Variants in CACNA1D observed in about 807,000 individuals in gnomAD.
CACNA1D encodes voltage-dependent L-type calcium channel subunit alpha-1D.
CACNA1D carries 55 observed loss-of-function variants against 257.1 expected under a neutral mutation model. That is an observed-to-expected ratio of 0.21 (90% CI 0.17 to 0.27). The LOEUF is 0.27. Ranked by LOEUF, CACNA1D falls within the 10% of genes least tolerant of loss-of-function variation. The probability of loss-of-function intolerance (pLI) is 1.00; values close to 1 mark genes in which losing one functional copy is unlikely to be tolerated. For missense variants in CACNA1D, 1,876 were observed against 2,784.0 expected (o/e 0.67, Z 7.34); for synonymous variants, 980 against 1,014.9 (o/e 0.97, Z 0.65).
At chr3:53,718,832 A>C (rs1170979725) in intron 10 of CACNA1D, 1 of 1,165,642 alleles carries the variant, frequency 8.6e-7, no homozygotes, top group Non-Finnish European at 1.2e-6. Flanking sequence ...AGAATGTGCT[A>C]CGTATTTAAG....
At chr3:53,496,729 C>T (rs1374950213) in intron 1 of CACNA1D, among the ~76,000 whole-genome samples, 1 of 150,830 alleles carries the variant, frequency 6.6e-6, no homozygotes, top group Non-Finnish European at 1.5e-5. Context: ...TTTTTTTTTC[C>T]CCTTGGTGAT....
At chr3:53,636,849 C>A (rs988440963) in intron 3 of CACNA1D, among the ~76,000 whole-genome samples, 3 of 152,276 alleles carry the variant, frequency 2.0e-5, no homozygotes, top group African/African-American at 7.2e-5. Flanking sequence ...TTTCTCTGTG[C>A]AGATCCTCTG....
rs912974318 is a variant in CACNA1D, at chr3:53,650,656, A to G, written c.484-123A>G. ...TAATTGTTCCATTTCTCATAATGAA[A>G]CTTTGTTTGGAGGGAAATGCTTATA... is the stretch of plus-strand genomic sequence containing the variant. On this transcript the variant is annotated intron_variant, in intron 3 of 47. Coordinates refer to ENST00000350061, the MANE Select transcript of CACNA1D (RefSeq NM_001128840.3). 4.3e-5 allele frequency: 44 copies of G among 1,029,770 alleles called. No individual in the cohort carries two copies. Among genetic ancestry groups the G allele is most frequent in the Non-Finnish European group, 6.2e-5 (42 of 672,410 alleles). 63.8% of individuals were successfully genotyped at this position (1,029,770 alleles called of 1,614,324 possible).
chr3:53,539,679 T>G (rs911200760), intron 3 of CACNA1D, among the ~76,000 whole-genome samples: 3 of 152,222 alleles, frequency 2.0e-5, no homozygotes, highest in African/African-American at 7.2e-5. Context: ...TTCTTTCCAA[T>G]GTGTCATGCC....
chr3:53,658,242 T>C (rs2094168267), intron 4 of CACNA1D, among the ~76,000 whole-genome samples: 1 of 151,964 alleles, frequency 6.6e-6, no homozygotes, highest in Admixed American at 6.6e-5. Flanking sequence ...TCACGGAATA[T>C]TAGAGTGGAA....
chr3:53,496,403 G>GT (rs1373329958), intron 1 of CACNA1D, among the ~76,000 whole-genome samples: 48 of 152,326 alleles, frequency 3.2e-4, no homozygotes, highest in African/African-American at 1.1e-3. Flanking sequence ...AGGTGTAGGG[G>GT]TGCAGGCTGA....
intron 30 of CACNA1D, among the ~76,000 whole-genome samples, chr3:53,767,565 C>CAAA (rs397792487): frequency 2.3e-5 from 3 of 130,448 alleles, no homozygotes; most frequent in Non-Finnish European, 3.2e-5. Flanking sequence ...GACTCTATCT[C>CAAA]AAAAAAAAAA....
chr3:53,598,776 T>C (rs1346315632), intron 3 of CACNA1D, among the ~76,000 whole-genome samples: 2 of 152,178 alleles, frequency 1.3e-5, no homozygotes, highest in African/African-American at 4.8e-5. Flanking sequence ...TTTTGGTTAA[T>C]TAATGGAGGC....
chr3:53,790,465 C>A (rs573626991), intron 40 of CACNA1D, among the ~76,000 whole-genome samples: 1 of 152,386 alleles, frequency 6.6e-6, no homozygotes, highest in Non-Finnish European at 1.5e-5. Flanking sequence ...TCCGAGGACA[C>A]TATGTCCCCC....
At chr3:53,508,829 C>A (rs1404323131) in intron 3 of CACNA1D, among the ~76,000 whole-genome samples, 1 of 152,102 alleles carries the variant, frequency 6.6e-6, no homozygotes, top group Non-Finnish European at 1.5e-5. Flanking sequence ...CAGCTTCTCA[C>A]CAAAGAAAGT....
At chr3:53,766,054 A>G (rs1370364866) in intron 30 of CACNA1D, 2 of 152,132 alleles carry the variant, frequency 1.3e-5, no homozygotes, top group Non-Finnish European at 2.9e-5. Context: ...GTCTCTTCTC[A>G]TTATCATTAG....
chr3:53,580,532 T>TGC (rs2093115088), intron 3 of CACNA1D, among the ~76,000 whole-genome samples: 5 of 152,252 alleles, frequency 3.3e-5, no homozygotes, highest in African/African-American at 1.2e-4. Flanking sequence ...GTTGAAGTAA[T>TGC]CCTGTTTCTC....
At chr3:53,567,503 TAAAGAATTCAG>T (rs2092866275) in intron 3 of CACNA1D, among the ~76,000 whole-genome samples, 1 of 152,168 alleles carries the variant, frequency 6.6e-6, no homozygotes, top group African/African-American at 2.4e-5. Context: ...CTTGTGACCT[TAAAGAATTCAG>T]CCACCTTTCA....
At chr3:53,620,666 A>T (rs73086288) in intron 3 of CACNA1D, among the ~76,000 whole-genome samples, 8,828 of 152,330 alleles carry the variant, frequency 0.058, 325 homozygotes, top group Middle Eastern at 0.082. Flanking sequence ...ATGTGGGAAC[A>T]TCTCTTCCAG....
chr3:53,735,757 C>T (rs1173802581), intron 20 of CACNA1D, among the ~76,000 whole-genome samples: 1 of 152,228 alleles, frequency 6.6e-6, no homozygotes, highest in African/African-American at 2.4e-5. Flanking sequence ...ATTCAGGGAG[C>T]CTGCTTCTCC....
At chr3:53,697,205 C>T (rs2094580595) in intron 8 of CACNA1D, among the ~76,000 whole-genome samples, 1 of 152,246 alleles carries the variant, frequency 6.6e-6, no homozygotes, top group Admixed American at 6.5e-5. Flanking sequence ...GCCGTGGAGG[C>T]TGCTCCAGAT....
At chr3:53,646,029 A>G (rs748901338) in intron 3 of CACNA1D, among the ~76,000 whole-genome samples, 3 of 152,196 alleles carry the variant, frequency 2.0e-5, no homozygotes, top group Non-Finnish European at 4.4e-5. Context: ...ACAGAGCTCT[A>G]TGCTTATTCA....
chr3:53,599,132 C>A (rs116814973), intron 3 of CACNA1D, among the ~76,000 whole-genome samples: 4,384 of 152,098 alleles, frequency 0.029, 174 homozygotes, highest in East Asian at 0.094. Flanking sequence ...GGGTCTTCTG[C>A]AGTGACAGCT....
In CACNA1D at chr3:53,751,377, A is replaced by T. The variant is rs1164816104; in HGVS notation, c.3517-372A>T. ...CCTATAGATCCCCCGTATGTGTGAT[A>T]AAGAGGAAAGGCAGTGATAAGGCCT... is the stretch of plus-strand genomic sequence containing the variant. On this transcript the variant is annotated intron_variant, in intron 27 of 47. Transcript: ENST00000350061. This position sits in a 1 kb window ranked among gnomAD's most constrained non-coding sequence, Gnocchi z 4.3. Among the ~76,000 whole-genome samples, 1 of 152,230 alleles carries T rather than the reference A, an allele frequency of 6.6e-6. No homozygotes were observed. Among genetic ancestry groups the T allele is most frequent in the Non-Finnish European group, 1.5e-5 (1 of 68,030 alleles).
Sources: gnomAD v4.1 joint callset for allele counts (sites outside exome capture counted in the v4.1 genomes callset) on GRCh38, gnomAD v4.1.1 for gene constraint, Gnocchi (gnomAD v3.1) non-coding constraint, MANE v1.5 for transcripts, NCBI Gene and HGNC (gene_info 2026-07-23, HGNC 2026-07-21) for gene names.